Variants in UBXN2A observed in about 807,000 individuals in gnomAD.
UBXN2A encodes the protein UBX domain-containing protein 2A.
In UBXN2A, 28 loss-of-function variants were observed where a neutral mutation model predicts 28.4. The observed-to-expected ratio is 0.99, with a 90% confidence interval of 0.73 to 1.35. The LOEUF is 1.35. Ranked by LOEUF, UBXN2A falls within the 40% of genes most tolerant of loss-of-function variation. The probability of loss-of-function intolerance (pLI) is 0.00; values close to 1 mark genes in which losing one functional copy is unlikely to be tolerated. For synonymous variants in UBXN2A, 97 were observed against 103.6 expected, an observed-to-expected ratio of 0.94 and a Z score of 0.39; for missense variants, 253 against 297.9, an observed-to-expected ratio of 0.85 and a Z score of 1.11.
chr2:23,988,122 CAAAAA>C (rs34140980), intron 6 of UBXN2A, among the ~76,000 whole-genome samples: 2 of 121,044 alleles, frequency 1.7e-5, no homozygotes, highest in African/African-American at 3.1e-5. Flanking sequence ...GGCTCCATCT[CAAAAA>C]AAAAAAAAAA....
At chr2:23,941,213 T>C (rs1047849173) in intron 1 of UBXN2A, among the ~76,000 whole-genome samples, 2 of 152,180 alleles carry the variant, frequency 1.3e-5, no homozygotes, top group African/African-American at 4.8e-5. Context: ...GCATCCAGCG[T>C]TGAGTTCCTA....
intron 1 of UBXN2A, among the ~76,000 whole-genome samples, chr2:23,949,728 A>C (rs1399659893): frequency 6.6e-6 from 1 of 151,022 alleles, no homozygotes; most frequent in Non-Finnish European, 1.5e-5. Flanking sequence ...TACAAAAATT[A>C]GCCAGGCATG....
At chr2:23,966,445 T>C (rs1707169506) in intron 2 of UBXN2A, among the ~76,000 whole-genome samples, 1 of 145,014 alleles carries the variant, frequency 6.9e-6, no homozygotes, top group Non-Finnish European at 1.5e-5. Context: ...TGGTAGATAT[T>C]TTCTTTTTTT....
upstream of UBXN2A, among the ~76,000 whole-genome samples, chr2:23,935,615 T>C (rs149615676): frequency 1.3e-5 from 2 of 152,256 alleles, no homozygotes; most frequent in Non-Finnish European, 2.9e-5. Context: ...TAACAAGTGT[T>C]GGGAAGATGT....
Position 23,984,851 on chromosome 2 carries a change from A to G in UBXN2A, c.584+20A>G, listed in dbSNP as rs748148393. The G allele has an allele frequency of 2.0e-6, 3 of 1,535,302 alleles. No individual in the cohort carries two copies. The highest frequency in any genetic ancestry group is 2.5e-5 in the East Asian group (1 of 39,814). ...TCATAGGTGAGTCTTCAATTTCAGTATTTGATATTTTTTCACCAAGTTAAA... is the reference window on the plus strand; with the variant it reads ...TCATAGGTGAGTCTTCAATTTCAGTGTTTGATATTTTTTCACCAAGTTAAA... On this transcript the variant is annotated intron_variant, in intron 6 of 6. Coordinates refer to ENST00000309033, the MANE Select transcript of UBXN2A (RefSeq NM_181713.4).
chr2:23,976,873 A>C (rs2150880493), intron 3 of UBXN2A, 96 bp from the exon 4 acceptor site: 5 of 987,074 alleles, frequency 5.1e-6, no homozygotes, highest in Middle Eastern at 3.2e-4. Context: ...GAACCACCCC[A>C]CCCGGCCTGA....
At chr2:23,971,208 A>G (rs1707401616) in intron 2 of UBXN2A, 68 bp from the exon 3 acceptor site, 17 of 1,422,164 alleles carry the variant, frequency 1.2e-5, no homozygotes, top group Non-Finnish European at 1.5e-5. Context: ...ATCCTTAACT[A>G]GAACAAAATA....
upstream of UBXN2A, among the ~76,000 whole-genome samples, chr2:23,937,869 T>C (rs1394562801): frequency 6.6e-6 from 1 of 152,144 alleles, no homozygotes; most frequent in Non-Finnish European, 1.5e-5. Flanking sequence ...ACCTGGATGG[T>C]ATAGTGTACT....
intron 3 of UBXN2A, among the ~76,000 whole-genome samples, chr2:23,975,298 C>T (rs1183357453): frequency 1.3e-5 from 2 of 152,096 alleles, no homozygotes; most frequent in African/African-American, 4.8e-5. Context: ...TTTTGAGATA[C>T]TACTACTACT....
At position 23,977,018 on chromosome 2, in the gene UBXN2A, A is replaced by T; in HGVS notation, c.230A>T (p.Asp77Val). 1 of 1,612,926 alleles carries T rather than the reference A, an allele frequency of 6.2e-7. No homozygotes were observed. Among genetic ancestry groups the T allele is most frequent in the Non-Finnish European group, 8.5e-7 (1 of 1,179,060 alleles). ...LWKNGFTVND[D>V]FRSYSDGASQ... ...AAAAACGGATTCACCGTCAACGACG[A>T]TTTCAGAAGTTATTCCGATGGTGCC... is the stretch of plus-strand genomic sequence containing the variant. The change falls in exon 4 of 7, where the codon GAT (aspartate) becomes GTT (valine). Residue 77 changes from aspartate to valine, a missense_variant. Physicochemically the swap from Asp to Val is radical, Grantham distance 152. Coordinates refer to ENST00000309033, the MANE Select transcript of UBXN2A (RefSeq NM_181713.4).
chr2:23,949,151 G>A (rs1266721518), intron 1 of UBXN2A, among the ~76,000 whole-genome samples: 10 of 138,906 alleles, frequency 7.2e-5, no homozygotes, highest in Non-Finnish European at 1.2e-4. Flanking sequence ...TAGTAGAGAC[G>A]GAGTTTCACC....
At chr2:23,980,909 G>T (rs536113900) in intron 4 of UBXN2A, among the ~76,000 whole-genome samples, 2 of 152,236 alleles carry the variant, frequency 1.3e-5, no homozygotes, top group Admixed American at 1.3e-4. Flanking sequence ...TTACAGGCAT[G>T]AGCCACCGTG....
At chr2:23,963,797 A>G (rs1006848728) in intron 2 of UBXN2A, among the ~76,000 whole-genome samples, 4 of 152,148 alleles carry the variant, frequency 2.6e-5, no homozygotes, top group African/African-American at 9.7e-5. Context: ...AGATCCAGCA[A>G]TCCCACCTCT....
intron 1 of UBXN2A, chr2:23,944,491 G>A: frequency 1.6e-6 from 1 of 634,622 alleles, no homozygotes. Context: ...CCTTGGAACA[G>A]TACAGTACCT....
chr2:23,990,322 T>G (rs1370380470), intron 6 of UBXN2A, among the ~76,000 whole-genome samples: 1 of 151,722 alleles, frequency 6.6e-6, no homozygotes, highest in Non-Finnish European at 1.5e-5. Context: ...CAACTGCTCT[T>G]CCATATGAAT....
chr2:23,976,888 T>C (rs1291966501), intron 3 of UBXN2A, 81 bp from the exon 4 acceptor site: 1 of 1,219,700 alleles, frequency 8.2e-7, no homozygotes, highest in Non-Finnish European at 1.2e-6. Flanking sequence ...GCCTGAATAG[T>C]GATAGAAGAA....
intron 2 of UBXN2A, among the ~76,000 whole-genome samples, 154 bp downstream of exon 2, chr2:23,958,509 T>C (rs891043309): frequency 2.0e-5 from 3 of 152,246 alleles, no homozygotes; most frequent in African/African-American, 7.2e-5. Context: ...TTTTTTACCA[T>C]AGCTGCATTA....
At chr2:23,998,519 A>G (rs1202042804) in intron 6 of UBXN2A, among the ~76,000 whole-genome samples, 2 of 152,118 alleles carry the variant, frequency 1.3e-5, no homozygotes, top group African/African-American at 2.4e-5. Context: ...CAGGAGTTCA[A>G]ACAAGCTTGG....
upstream of UBXN2A, among the ~76,000 whole-genome samples, chr2:23,937,611 T>TA (rs201839532): frequency 0.011 from 1,638 of 152,040 alleles, 17 homozygotes; most frequent in Middle Eastern, 0.037. Context: ...ATACTGGCAA[T>TA]AAAAAATCTA....
Sources: gnomAD v4.1 joint callset for allele counts (sites outside exome capture counted in the v4.1 genomes callset) on GRCh38, gnomAD v4.1.1 for gene constraint, MANE v1.5 for transcripts, NCBI Gene and HGNC (gene_info 2026-07-23, HGNC 2026-07-21) for gene names.